The following MAPRE3 variants were observed in gnomAD, a reference collection of about 807,000 sequenced individuals.
MAPRE3 encodes the protein microtubule associated protein RP/EB family member 3.
A neutral mutation model predicts 30.5 loss-of-function variants in MAPRE3; 2 were observed. The ratio of observed to expected loss-of-function variants is 0.07; its 90% CI spans 0.03 to 0.21. MAPRE3 has a LOEUF of 0.21. MAPRE3 is among the 10% of genes least tolerant of loss of function. The probability of loss-of-function intolerance (pLI) is 1.00; values close to 1 mark genes in which losing one functional copy is unlikely to be tolerated. For synonymous variants in MAPRE3, 110 were observed against 127.7 expected, an observed-to-expected ratio of 0.86 and a Z score of 0.93; for missense variants, 204 against 351.8, an observed-to-expected ratio of 0.58 and a Z score of 3.36.
chr2:26,984,998 C>G (rs1666191108), intron 1 of MAPRE3: 1 of 152,166 alleles, frequency 6.6e-6, no homozygotes. Context: ...TGTTTAAGAT[C>G]AAAATGAAAC....
intron 1 of MAPRE3, among the ~76,000 whole-genome samples, chr2:26,996,417 A>G: frequency 6.6e-6 from 1 of 152,094 alleles, no homozygotes; most frequent in East Asian, 1.9e-4. Flanking sequence ...TCATCTCCCA[A>G]AGTGCTGGGA....
intron 1 of MAPRE3, among the ~76,000 whole-genome samples, chr2:27,003,557 G>A (rs1259199392): frequency 6.6e-6 from 1 of 152,164 alleles, no homozygotes; most frequent in Non-Finnish European, 1.5e-5. Context: ...TTCTCTGTCA[G>A]TTACCATCAC....
At chr2:27,010,439 C>CTTTTTTTTTTTT (rs71401549) in intron 1 of MAPRE3, among the ~76,000 whole-genome samples, 1 of 115,504 alleles carries the variant, frequency 8.7e-6, no homozygotes, top group Non-Finnish European at 1.7e-5. Context: ...ATCTGTATTT[C>CTTTTTTTTTTTT]TTTTTTTTTT....
chr2:26,997,945 G>A (rs983769251), intron 1 of MAPRE3, among the ~76,000 whole-genome samples: 4 of 152,178 alleles, frequency 2.6e-5, no homozygotes, highest in African/African-American at 4.8e-5. Flanking sequence ...TCTTGACCCC[G>A]ATAGGGCATG....
intron 1 of MAPRE3, among the ~76,000 whole-genome samples, chr2:26,981,361 G>A (rs1280891011): frequency 6.6e-6 from 1 of 151,958 alleles, no homozygotes; most frequent in Admixed American, 6.6e-5. Flanking sequence ...TAGAGGAAGG[G>A]CCACAAGTTG....
At chr2:26,971,823 C>T (rs895401170) in intron 1 of MAPRE3, among the ~76,000 whole-genome samples, 2 of 151,972 alleles carry the variant, frequency 1.3e-5, no homozygotes, top group East Asian at 1.9e-4. Flanking sequence ...GGAGAAAAAT[C>T]GAAGCTTCTC....
intron 1 of MAPRE3, chr2:27,009,765 T>A (rs1666807414): frequency 1.3e-5 from 2 of 152,284 alleles, no homozygotes; most frequent in Admixed American, 1.3e-4. Flanking sequence ...CCCTTTCCTC[T>A]TAACTCTTAC....
At chr2:27,024,386 C>T in intron 4 of MAPRE3, 89 bp downstream of exon 4, 1 of 1,201,622 alleles carries the variant, frequency 8.3e-7, no homozygotes, top group Non-Finnish European at 1.2e-6. Flanking sequence ...ACGGCCCGGC[C>T]CTGCCAGCCT....
chr2:27,022,522 C>G, intron 2 of MAPRE3, 183 bp downstream of exon 2: 2 of 773,062 alleles, frequency 2.6e-6, no homozygotes, highest in South Asian at 1.8e-5. Context: ...TTTACACAAA[C>G]CTGGATGGTG....
intron 1 of MAPRE3, among the ~76,000 whole-genome samples, chr2:27,005,360 C>G (rs927531314): frequency 6.6e-6 from 1 of 152,280 alleles, no homozygotes; most frequent in African/African-American, 2.4e-5. Context: ...TAAGTGAGCT[C>G]GTGGTCTTCA....
chr2:26,976,745 G>T (rs1251074705), intron 1 of MAPRE3, among the ~76,000 whole-genome samples: 1 of 152,326 alleles, frequency 6.6e-6, no homozygotes, highest in Middle Eastern at 3.4e-3. Context: ...AGATATAGGA[G>T]ATACATACCA....
At chr2:27,007,932 T>G in intron 1 of MAPRE3, among the ~76,000 whole-genome samples, 1 of 152,084 alleles carries the variant, frequency 6.6e-6, no homozygotes, top group East Asian at 1.9e-4. Flanking sequence ...ACCTATTGAG[T>G]TTTTTGACTG....
chr2:26,971,619 C>T, intron 1 of MAPRE3, among the ~76,000 whole-genome samples: 1 of 141,396 alleles, frequency 7.1e-6, no homozygotes, highest in East Asian at 2.0e-4. Context: ...CTTTAAAATG[C>T]TTTTTTTTTT....
intron 1 of MAPRE3, among the ~76,000 whole-genome samples, chr2:27,009,262 G>A (rs546208876): frequency 5.2e-4 from 79 of 152,276 alleles, no homozygotes; most frequent in Non-Finnish European, 8.7e-4. Context: ...GGATTTCCTG[G>A]TTTTAATAAT....
In MAPRE3 at chr2:27,026,664, A is replaced by G. The variant is rs1169891664; in HGVS notation, c.*316A>G. 6.0e-6 allele frequency: 2 copies of G among 334,268 alleles called. No homozygotes were observed. The highest frequency in any genetic ancestry group is 5.3e-5 in the East Asian group (1 of 18,944). The allele number at this position is 334,268 out of a possible 1,614,324, so 20.7% of individuals were successfully genotyped here. On this transcript the variant is annotated 3_prime_UTR_variant, in exon 7 of 7. Transcript: ENST00000233121. ...CCCCAGCCAGCCACCTGCTCCTGAC[A>G]GCCAGCAGCTGTGTATTTGACAAAG...
chr2:26,996,219 C>T (rs1197091055), intron 1 of MAPRE3, among the ~76,000 whole-genome samples: 1 of 151,524 alleles, frequency 6.6e-6, no homozygotes, highest in East Asian at 1.9e-4. Flanking sequence ...GTGGTGAGAT[C>T]ATAGCTCACT....
chr2:27,018,397 C>G (rs1667034270), intron 1 of MAPRE3, among the ~76,000 whole-genome samples: 1 of 152,314 alleles, frequency 6.6e-6, no homozygotes, highest in African/African-American at 2.4e-5. Flanking sequence ...CCCTGGGGAC[C>G]TGGCAGAGTC....
chr2:27,018,528 C>CAGCAGG (rs1667037183), intron 1 of MAPRE3, among the ~76,000 whole-genome samples: 1 of 152,188 alleles, frequency 6.6e-6, no homozygotes, highest in Non-Finnish European at 1.5e-5. Flanking sequence ...TTATACTGTT[C>CAGCAGG]TCATGTGTGC....
At chr2:26,997,525 A>G (rs1666490452) in intron 1 of MAPRE3, among the ~76,000 whole-genome samples, 1 of 152,148 alleles carries the variant, frequency 6.6e-6, no homozygotes, top group Non-Finnish European at 1.5e-5. Flanking sequence ...TGCACAGTTC[A>G]CAATAGGGTT....
Sources: gnomAD v4.1 joint callset for allele counts (sites outside exome capture counted in the v4.1 genomes callset) on GRCh38, gnomAD v4.1.1 for gene constraint, MANE v1.5 for transcripts, NCBI Gene and HGNC (gene_info 2026-07-23, HGNC 2026-07-21) for gene names.